The following CHD8 variants were observed in gnomAD, a reference collection of about 807,000 sequenced individuals.
CHD8 encodes chromodomain helicase DNA binding protein 8.
CHD8 carries 31 observed loss-of-function variants against 279.2 expected under a neutral mutation model. The observed-to-expected ratio is 0.11, with a 90% CI of 0.08 to 0.15. CHD8 has a LOEUF of 0.15. Ranked by LOEUF, CHD8 falls within the 10% of genes least tolerant of loss-of-function variation. The pLI, the probability that CHD8 is intolerant of heterozygous loss-of-function variation, is 1.00. For missense variants in CHD8, 2,146 were observed against 3,230.5 expected (o/e 0.66, Z 8.14); for synonymous variants, 1,081 against 1,139.6 (o/e 0.95, Z 1.04).
chr14:21,403,361 A>G lies in CHD8; in HGVS notation c.3518+92T>C, dbSNP rs926268836. The G allele has an allele frequency of 1.6e-6, 2 of 1,279,542 alleles. No individual in the cohort carries two copies. The highest frequency in any genetic ancestry group is 2.2e-6 in the Non-Finnish European group (2 of 916,050). The allele number at this position is 1,279,542 out of a possible 1,614,324, so 79.3% of individuals were successfully genotyped here. On this transcript the variant is annotated intron_variant, in intron 17 of 37. Transcript: ENST00000646647. This position sits in a 1 kb window ranked among gnomAD's most constrained non-coding sequence, Gnocchi z 4.3. ...GAATCTTAAAAACTTCTCTTATTGC[A>G]ATTGGTGAACTCTAATTAAATCCAG...
chr14:21,435,485 T>C (rs1234947697), intron 1 of CHD8, among the ~76,000 whole-genome samples: 1 of 152,226 alleles, frequency 6.6e-6, no homozygotes, highest in Non-Finnish European at 1.5e-5. Context: ...CCCAACTCTC[T>C]CATTCTTATT....
intron 1 of CHD8, among the ~76,000 whole-genome samples, chr14:21,442,872 T>G (rs1890019067): frequency 6.6e-6 from 1 of 150,672 alleles, no homozygotes; most frequent in South Asian, 2.1e-4. Context: ...AGAGAACAAC[T>G]GCACAAATAT....
At chr14:21,436,705 T>G (rs906681024) in intron 1 of CHD8, among the ~76,000 whole-genome samples, 1 of 152,058 alleles carries the variant, frequency 6.6e-6, no homozygotes, top group Non-Finnish European at 1.5e-5. Context: ...GCTGGTAAAG[T>G]AAGACCTTGT....
chr14:21,395,757 T>C (rs1887755043), intron 28 of CHD8, 60 bp downstream of exon 28: 13 of 968,150 alleles, frequency 1.3e-5, no homozygotes, highest in Middle Eastern at 2.1e-4. Context: ...CAGAGAATGG[T>C]TGAAGACTTA....
chr14:21,406,741 T>C (rs1888269784), intron 14 of CHD8, 115 bp downstream of exon 14: 5 of 892,754 alleles, frequency 5.6e-6, no homozygotes, highest in Non-Finnish European at 8.2e-6. Flanking sequence ...TCATCCCCAC[T>C]GTTCAATACC....
At chr14:21,388,460 G>A (rs754727508) in intron 37 of CHD8, among the ~76,000 whole-genome samples, 7 of 152,018 alleles carry the variant, frequency 4.6e-5, no homozygotes, top group Non-Finnish European at 7.4e-5. Context: ...GAAGTGTGTC[G>A]GTTACATGGA....
intron 5 of CHD8, among the ~76,000 whole-genome samples, chr14:21,424,835 T>C (rs533283556): frequency 2.6e-4 from 39 of 152,296 alleles, no homozygotes; most frequent in African/African-American, 9.1e-4. Context: ...ATGTACCGAA[T>C]GTATATTATG....
At chr14:21,437,063 G>GGGGGT in intron 1 of CHD8, 1 of 767,864 alleles carries the variant, frequency 1.3e-6, no homozygotes, top group Non-Finnish European at 1.9e-6. Context: ...GGAAGATGCG[G>GGGGGT]GGGGTGGGGG....
intron 25 of CHD8, 71 bp downstream of exon 25, chr14:21,399,910 A>G (rs1887955994): frequency 2.3e-5 from 30 of 1,316,006 alleles, no homozygotes; most frequent in Non-Finnish European, 3.2e-5. Flanking sequence ...ATAGCATAAA[A>G]TGAAATAAGC....
intron 25 of CHD8, 80 bp from the exon 26 acceptor site, chr14:21,399,785 T>A (rs1887950967): frequency 9.6e-7 from 1 of 1,044,082 alleles, no homozygotes; most frequent in Non-Finnish European, 1.5e-6. Flanking sequence ...ATTATAGGTA[T>A]CTTCCTGTAT....
chr14:21,422,223 C>T (rs1383237136), intron 5 of CHD8, among the ~76,000 whole-genome samples: 1 of 152,102 alleles, frequency 6.6e-6, no homozygotes, highest in African/African-American at 2.4e-5. Flanking sequence ...CACCTATGAT[C>T]CCAGCTACTC....
In CHD8 at chr14:21,392,780, G is replaced by A. The variant is rs928363428; in HGVS notation, c.6498C>T (p.Leu2166=). 11 of 1,613,732 alleles carry A rather than the reference G, an allele frequency of 6.8e-6. No individual in the cohort carries two copies. The highest frequency in any genetic ancestry group is 1.7e-5 in the Admixed American group (1 of 59,982). Residue 2166 remains leucine, a synonymous_variant, in exon 34 of 38, where the codon CTC becomes CTT. Coordinates refer to ENST00000646647, the MANE Select transcript of CHD8 (RefSeq NM_001170629.2). ...KDRVLINRID[L]VCQAVLSGKW... Reference sequence around the variant, plus strand: ...TCCCTGAGAGTACAGCCTGGCAGACGAGGTCAATACGGTTTATCAGGACAC... The same window carrying A: ...TCCCTGAGAGTACAGCCTGGCAGACAAGGTCAATACGGTTTATCAGGACAC...
At chr14:21,444,588 G>A (rs939839927) in intron 1 of CHD8, among the ~76,000 whole-genome samples, 1 of 152,020 alleles carries the variant, frequency 6.6e-6, no homozygotes, top group Admixed American at 6.6e-5. Flanking sequence ...AGGATCCAAG[G>A]AAGGGTCATA....
At chr14:21,423,819 T>G (rs971171838) in intron 5 of CHD8, among the ~76,000 whole-genome samples, 1 of 152,216 alleles carries the variant, frequency 6.6e-6, no homozygotes, top group Admixed American at 6.5e-5. Flanking sequence ...CATTTAATCC[T>G]TGAAGCAACC....
chr14:21,433,176 G>A (rs1416654929), intron 1 of CHD8, among the ~76,000 whole-genome samples: 3 of 152,124 alleles, frequency 2.0e-5, no homozygotes, highest in Non-Finnish European at 4.4e-5. Context: ...GCATTATCTG[G>A]AGTAAACCAT....
chr14:21,425,644 G>A (rs978036193), intron 5 of CHD8: 1 of 152,454 alleles, frequency 6.6e-6, no homozygotes, highest in Non-Finnish European at 1.5e-5. Flanking sequence ...TATTTTTATA[G>A]TAATATGCTC....
At chr14:21,454,573 C>T (rs1594400060) in intron 1 of CHD8, among the ~76,000 whole-genome samples, 1 of 152,126 alleles carries the variant, frequency 6.6e-6, no homozygotes, top group African/African-American at 2.4e-5. Context: ...AGTGATCCGT[C>T]CGCCTCCACC....
At chr14:21,401,569 A>G in intron 20 of CHD8, 56 bp from the exon 21 acceptor site, 1 of 1,067,666 alleles carries the variant, frequency 9.4e-7, no homozygotes, top group Non-Finnish European at 1.4e-6. Flanking sequence ...GTGGTGCAAA[A>G]TCAGCAATTA....
chr14:21,389,263 G>A, intron 37 of CHD8, among the ~76,000 whole-genome samples: 1 of 149,178 alleles, frequency 6.7e-6, no homozygotes. Context: ...TCAGTCCATT[G>A]CACTCCAGCC....
Sources: gnomAD v4.1 joint callset for allele counts (sites outside exome capture counted in the v4.1 genomes callset) on GRCh38, gnomAD v4.1.1 for gene constraint, Gnocchi (gnomAD v3.1) non-coding constraint, MANE v1.5 for transcripts, NCBI Gene and HGNC (gene_info 2026-07-23, HGNC 2026-07-21) for gene names.